Variants in FHIT observed in about 807,000 individuals in gnomAD.
FHIT encodes the protein bis(5'-adenosyl)-triphosphatase.
Under a neutral mutation model 17.9 loss-of-function variants are expected in FHIT, and 19 were observed. The ratio of observed to expected loss-of-function variants is 1.06; its 90% CI spans 0.74 to 1.56. The LOEUF (loss-of-function observed/expected upper bound fraction) is 1.56. Ranked by LOEUF, FHIT falls within the 40% of genes most tolerant of loss-of-function variation. The pLI is 0.00. For synonymous variants in FHIT, 81 were observed against 69.7 expected (o/e 1.16, Z -0.81); for missense variants, 248 against 189.2 (o/e 1.31, Z -1.82).
At chr3:60,072,475 A>C (rs1216360369) in intron 5 of FHIT, among the ~76,000 whole-genome samples, 1 of 152,178 alleles carries the variant, frequency 6.6e-6, no homozygotes, top group East Asian at 1.9e-4. Context: ...CACCAACAAC[A>C]ATAAAAATTA....
In FHIT at chr3:60,789,185, G is replaced by T. The variant is rs1411627749; in HGVS notation, c.-18+32734C>A. ...ATATATATATATATATAGAGAGAGA[G>T]AGAGAGAGAGAGAGACAGAGGAGAG... On this transcript the variant is annotated intron_variant, in intron 4 of 9. Transcript: ENST00000492590. 1.1e-4 allele frequency among the ~76,000 whole-genome samples: 17 copies of T among 150,426 alleles called. No individual in the cohort carries two copies. The East Asian group carries it at 1.6e-3, about 14-fold the overall frequency.
intron 4 of FHIT, among the ~76,000 whole-genome samples, chr3:60,783,152 A>ATT (rs35699949): frequency 6.7e-6 from 1 of 149,170 alleles, no homozygotes; most frequent in African/African-American, 2.5e-5. Flanking sequence ...TAATTTTTGC[A>ATT]TTTTTTTTTT....
At chr3:60,870,907 C>T (rs1704387114) in intron 3 of FHIT, among the ~76,000 whole-genome samples, 1 of 152,140 alleles carries the variant, frequency 6.6e-6, no homozygotes, top group African/African-American at 2.4e-5. Flanking sequence ...GAAATAGTCA[C>T]TTAGCCTATT....
chr3:60,595,999 C>T (rs1341789795), intron 4 of FHIT: 3 of 158,554 alleles, frequency 1.9e-5, no homozygotes, highest in African/African-American at 4.8e-5. Flanking sequence ...TAAAACACCT[C>T]TTACCAGCTT....
intron 5 of FHIT, among the ~76,000 whole-genome samples, chr3:60,430,968 T>C (rs1389800288): frequency 6.6e-6 from 1 of 152,040 alleles, no homozygotes; most frequent in Non-Finnish European, 1.5e-5. Flanking sequence ...CCCCAGCACT[T>C]TGGGAGGCCA....
At chr3:60,425,887 A>T (rs1449972176) in intron 5 of FHIT, among the ~76,000 whole-genome samples, 1 of 152,160 alleles carries the variant, frequency 6.6e-6, no homozygotes, top group African/African-American at 2.4e-5. Flanking sequence ...ATAAGATGCC[A>T]TGAAGAAGGA....
At chr3:60,753,049 G>C (rs183387562) in intron 4 of FHIT, among the ~76,000 whole-genome samples, 5 of 152,234 alleles carry the variant, frequency 3.3e-5, no homozygotes, top group Admixed American at 2.6e-4. Flanking sequence ...TGTGTTGTTG[G>C]CTCCAGGGTT....
At chr3:60,404,053 C>A (rs1022794913) in intron 5 of FHIT, among the ~76,000 whole-genome samples, 2 of 152,148 alleles carry the variant, frequency 1.3e-5, no homozygotes, top group East Asian at 1.9e-4. Context: ...ACCAATCAGA[C>A]TGATTGTGGG....
intron 1 of FHIT, chr3:61,244,145 A>G (rs750292482): frequency 2.0e-5 from 3 of 152,314 alleles, no homozygotes; most frequent in Middle Eastern, 3.4e-3. Flanking sequence ...TGCACTTTAG[A>G]ATCAGCTGGG....
intron 4 of FHIT, among the ~76,000 whole-genome samples, chr3:60,783,003 G>T (rs1231660142): frequency 3.3e-5 from 5 of 151,936 alleles, no homozygotes; most frequent in Admixed American, 2.0e-4. Context: ...TTGTTGTTTT[G>T]ACAAGGTCTC....
chr3:60,726,878 T>C (rs1431407528), intron 4 of FHIT, among the ~76,000 whole-genome samples: 3 of 152,216 alleles, frequency 2.0e-5, no homozygotes, highest in African/African-American at 7.2e-5. Flanking sequence ...TGTCTCTATA[T>C]GGTTTCAGAA....
chr3:60,991,999 A>C (rs1280735022), intron 3 of FHIT, among the ~76,000 whole-genome samples: 1 of 152,166 alleles, frequency 6.6e-6, no homozygotes, highest in Non-Finnish European at 1.5e-5. Context: ...ATTAGGTAGA[A>C]TCTAGACCAA....
At chr3:60,118,163 G>A (rs1426227320) in intron 5 of FHIT, among the ~76,000 whole-genome samples, 4 of 152,086 alleles carry the variant, frequency 2.6e-5, no homozygotes, top group Non-Finnish European at 5.9e-5. Context: ...CTGGAGTGCA[G>A]TAGTGCAATA....
rs1240330146 is a variant in FHIT at position 60,571,649 on chromosome 3, C to T, written c.-17-34670G>A. On this transcript the variant is annotated intron_variant, in intron 4 of 9. Coordinates refer to ENST00000492590, the MANE Select transcript of FHIT (RefSeq NM_002012.4). Reference sequence around the variant, plus strand: ...AGAGTCAGGAGGGTGCAAATAAAGGCAGGCTTTAGAGGGAATAGAGAAACT... The same window carrying T: ...AGAGTCAGGAGGGTGCAAATAAAGGTAGGCTTTAGAGGGAATAGAGAAACT... 3.9e-5 allele frequency among the ~76,000 whole-genome samples: 6 copies of T among 152,072 alleles called. No individual in the cohort carries two copies. In the South Asian group the frequency reaches 1.0e-3, roughly 26 times the overall value.
At chr3:61,097,948 G>A (rs987117579) in intron 2 of FHIT, among the ~76,000 whole-genome samples, 1 of 152,100 alleles carries the variant, frequency 6.6e-6, no homozygotes. Context: ...AAGCTCCTTA[G>A]TTTAATTAGA....
intron 5 of FHIT, among the ~76,000 whole-genome samples, chr3:60,040,977 G>C (rs1271657697): frequency 6.6e-6 from 1 of 151,964 alleles, no homozygotes; most frequent in Non-Finnish European, 1.5e-5. Context: ...TCCCCTAAAA[G>C]CTAGAAAGGG....
At chr3:60,818,536 C>T (rs782720830) in intron 4 of FHIT, among the ~76,000 whole-genome samples, 14 of 152,102 alleles carry the variant, frequency 9.2e-5, no homozygotes, top group Admixed American at 2.6e-4. Context: ...AATTACATGA[C>T]GTGATCTCAC....
At chr3:60,429,004 G>C (rs564436626) in intron 5 of FHIT, among the ~76,000 whole-genome samples, 2 of 152,054 alleles carry the variant, frequency 1.3e-5, no homozygotes, top group African/African-American at 4.8e-5. Context: ...TTTACCTAGT[G>C]CAGCTGAAAA....
chr3:60,121,019 C>A lies in FHIT; in HGVS notation c.104-106867G>T, dbSNP rs542705931. Reference sequence around the variant, plus strand: ...TTAAGAGTTTCATTCTCTGCCTGACCTCCTGAAACCCTCAAAAGATAATTA... The same window carrying A: ...TTAAGAGTTTCATTCTCTGCCTGACATCCTGAAACCCTCAAAAGATAATTA... On this transcript the variant is annotated intron_variant, in intron 5 of 9. Coordinates refer to ENST00000492590, the MANE Select transcript of FHIT (RefSeq NM_002012.4). Among the ~76,000 whole-genome samples the A allele has an allele frequency of 2.0e-5, 3 of 152,074 alleles. No individual in the cohort carries two copies. The East Asian group carries it at 5.8e-4, about 29-fold the overall frequency.
Sources: gnomAD v4.1 joint callset for allele counts (sites outside exome capture counted in the v4.1 genomes callset) on GRCh38, gnomAD v4.1.1 for gene constraint, MANE v1.5 for transcripts, NCBI Gene and HGNC (gene_info 2026-07-23, HGNC 2026-07-21) for gene names.